The following B3GAT1 variants were observed in gnomAD, a reference collection of about 807,000 sequenced individuals.
The protein encoded by B3GAT1 is beta-1,3-glucuronyltransferase 1.
Under a neutral mutation model 28.4 loss-of-function variants are expected in B3GAT1, and 11 were observed. The ratio of observed to expected loss-of-function variants is 0.39; its 90% CI spans 0.24 to 0.64. B3GAT1 has a LOEUF of 0.64. Ranked by LOEUF, B3GAT1 falls within the 30% of genes least tolerant of loss-of-function variation. The pLI is 0.50. For missense variants in B3GAT1, 375 were observed against 491.0 expected, an observed-to-expected ratio of 0.76 and a Z score of 2.23; for synonymous variants, 255 against 223.1, an observed-to-expected ratio of 1.14 and a Z score of -1.27.
intron 2 of B3GAT1, chr11:134,384,546 T>C (rs1677638470): frequency 7.2e-6 from 2 of 279,486 alleles, no homozygotes; most frequent in Non-Finnish European, 1.3e-5. Context: ...CCTACTCATC[T>C]GGAGGGAGCT....
intron 1 of B3GAT1, chr11:134,388,494 G>A (rs574353480): frequency 1.3e-5 from 2 of 156,078 alleles, no homozygotes; most frequent in East Asian, 3.8e-4. Flanking sequence ...TTTTAGATTT[G>A]GGGGCACATG....
intron 1 of B3GAT1, among the ~76,000 whole-genome samples, chr11:134,400,826 C>A (rs931823692): frequency 1.3e-5 from 2 of 152,146 alleles, no homozygotes; most frequent in Non-Finnish European, 2.9e-5. Context: ...ACAGAGTGAA[C>A]GGACAACCTA....
chr11:134,401,977 G>T (rs1290606937), intron 1 of B3GAT1, among the ~76,000 whole-genome samples: 2 of 122,836 alleles, frequency 1.6e-5, no homozygotes, highest in Admixed American at 8.3e-5. Context: ...GGGCGGGGGG[G>T]GGCGGGCAGC....
At chr11:134,401,283 T>C (rs1008798173) in intron 1 of B3GAT1, among the ~76,000 whole-genome samples, 1 of 152,202 alleles carries the variant, frequency 6.6e-6, no homozygotes. Context: ...CATACACTCA[T>C]GTTTATCGCA....
chr11:134,383,930 G>A lies in B3GAT1; in HGVS notation c.371C>T (p.Pro124Leu), dbSNP rs781683942. Residue 124 changes from proline (P) to leucine (L), a missense_variant, in exon 3 of 6, where the codon CCG becomes CTG. Transcript: ENST00000312527. ...NLHWLVVEDA[P>L]RRTPLTARLL... ...GCGCGCGGTCAGCGGCGTCCGGCGC[G>A]GCGCATCCTCCACCACCAGCCAGTG... is the stretch of plus-strand genomic sequence containing the variant. 16 of 1,596,378 alleles carry A rather than the reference G, an allele frequency of 1.0e-5. No homozygotes were observed. Among genetic ancestry groups the A allele is most frequent in the African/African-American group, 2.7e-5 (2 of 74,758 alleles).
chr11:134,400,851 A>G (rs567810275), intron 1 of B3GAT1, among the ~76,000 whole-genome samples: 2 of 152,340 alleles, frequency 1.3e-5, no homozygotes, highest in South Asian at 4.1e-4. Context: ...TCTGCATCCA[A>G]CAAAGGTCTA....
At chr11:134,406,402 C>G (rs1206964693) in intron 1 of B3GAT1, among the ~76,000 whole-genome samples, 1 of 152,186 alleles carries the variant, frequency 6.6e-6, no homozygotes, top group African/African-American at 2.4e-5. Flanking sequence ...TGCGTCTGCA[C>G]AAAGCAAGGT....
In B3GAT1 at chr11:134,411,075, C is replaced by T. The variant is rs1022303234; in HGVS notation, c.-282+732G>A. Among the ~76,000 whole-genome samples, 1 of 152,222 alleles carries T rather than the reference C, an allele frequency of 6.6e-6. No homozygotes were observed. On this transcript the variant is annotated intron_variant, in intron 1 of 5. Coordinates refer to ENST00000312527, the MANE Select transcript of B3GAT1 (RefSeq NM_054025.3). The surrounding 1 kb of genome is among the most constrained non-coding windows in gnomAD (Gnocchi z 6.0). ...TGGGGGTGGTTCTTGACCTTAGCTG[C>T]TTGGTACGGGGCTGTCACCTCCTTA...
intron 1 of B3GAT1, among the ~76,000 whole-genome samples, chr11:134,401,240 C>A (rs1265416344): frequency 1.1e-4 from 16 of 152,090 alleles, no homozygotes; most frequent in Admixed American, 1.0e-3. Flanking sequence ...AGTGTCTACA[C>A]AAAGGAATAT....
chr11:134,387,874 C>T lies in B3GAT1; in HGVS notation c.-215G>A, dbSNP rs1457662991. 1.3e-6 allele frequency: 2 copies of T among 1,519,914 alleles called. No homozygotes were observed. Among genetic ancestry groups the T allele is most frequent in the African/African-American group, 2.8e-5 (2 of 72,674 alleles). 94.2% of individuals were successfully genotyped at this position (1,519,914 alleles called of 1,614,324 possible). ...GCGGAAGCAGGTTTGGAGAGTCCGG[C>T]CCAACTGGAGTCTGAGAAGGGGTCG... On this transcript the variant is annotated 5_prime_UTR_variant, in exon 2 of 6. Coordinates refer to ENST00000312527, the MANE Select transcript of B3GAT1 (RefSeq NM_054025.3).
Position 134,383,778 on chromosome 11 carries a change from G to T in B3GAT1, c.523C>A (p.Arg175Ser), listed in dbSNP as rs1167877969. 30 of 1,596,632 alleles carry T rather than the reference G, an allele frequency of 1.9e-5. No homozygotes were observed. Among genetic ancestry groups the T allele is most frequent in the African/African-American group, 2.7e-5 (2 of 74,572 alleles). The stretch of plus-strand genomic sequence containing the variant: ...CGCGGGAAGGTCTCGCGCAGCCAGC[G>T]CAGGGCCAGGTTGCGCTGCATGGTG... ...RGTMQRNLAL[R>S]WLRETFPRNS... The change falls in exon 3 of 6, where the codon CGC becomes AGC. Residue 175 changes from arginine to serine, a missense_variant. Arg to Ser is a moderately radical substitution (Grantham distance 110, BLOSUM62 -1). Coordinates refer to ENST00000312527, the MANE Select transcript of B3GAT1 (RefSeq NM_054025.3).
At chr11:134,394,532 C>T (rs1411026692) in intron 1 of B3GAT1, among the ~76,000 whole-genome samples, 2 of 152,362 alleles carry the variant, frequency 1.3e-5, no homozygotes, top group East Asian at 1.9e-4. Context: ...GACCTTTCAT[C>T]CCCTGCATGG....
chr11:134,398,733 C>T (rs963699515), intron 1 of B3GAT1, among the ~76,000 whole-genome samples: 7 of 152,154 alleles, frequency 4.6e-5, no homozygotes, highest in Non-Finnish European at 2.9e-5. Flanking sequence ...GGCTCCCTCC[C>T]GGGCCCCCTC....
intron 1 of B3GAT1, among the ~76,000 whole-genome samples, chr11:134,404,303 G>A (rs1944687391): frequency 6.6e-6 from 1 of 151,906 alleles, no homozygotes; most frequent in Admixed American, 6.6e-5. Context: ...AGTTTGCTGA[G>A]AATGATGGTT....
chr11:134,393,608 A>AAC lies in B3GAT1; in HGVS notation c.-281-5670_-281-5669dup. On this transcript the variant is annotated intron_variant, in intron 1 of 5. Coordinates refer to ENST00000312527, the MANE Select transcript of B3GAT1 (RefSeq NM_054025.3). The surrounding 1 kb of genome is among the most constrained non-coding windows in gnomAD (Gnocchi z 4.0). ...CACCTTATGAAATTTTCATAGAAAC[A>AAC]ACACATTTACTTCAACACGCTATTT... 1.3e-5 allele frequency among the ~76,000 whole-genome samples: 2 copies of AAC among 152,328 alleles called. No homozygotes were observed. The highest frequency in any genetic ancestry group is 1.3e-4 in the Admixed American group (2 of 15,304).
rs1362667237 is a variant in B3GAT1, at chr11:134,387,597, G to A, written c.63C>T (p.Ile21=). The change falls in exon 2 of 6, where the codon ATC becomes ATT. Residue 21 remains isoleucine, a synonymous_variant. Coordinates refer to ENST00000312527, the MANE Select transcript of B3GAT1 (RefSeq NM_054025.3). ...VLIVLPWTLL[I]TVWHQSTLAP... is the part of the protein sequence containing the mutation. ...CGAGGGTGCTCTGGTGCCAGACAGT[G>A]ATGAGCAGAGTCCAGGGCAGCACGA... The A allele has an allele frequency of 6.2e-7, 1 of 1,614,078 alleles. No homozygotes were observed. The highest frequency in any genetic ancestry group is 1.3e-5 in the African/African-American group (1 of 74,942).
chr11:134,386,738 G>C (rs2136310059), intron 2 of B3GAT1: 1 of 152,296 alleles, frequency 6.6e-6, no homozygotes, highest in Middle Eastern at 3.4e-3. Context: ...CGCTTTCCTT[G>C]CATGTCATGA....
Position 134,411,516 on chromosome 11 carries a change from A to AT in B3GAT1, c.-282+290dup, listed in dbSNP as rs1458163826. On this transcript the variant is annotated intron_variant, in intron 1 of 5. Transcript: ENST00000312527. The surrounding 1 kb of genome is among the most constrained non-coding windows in gnomAD (Gnocchi z 6.0). ...AACTGACGACTGAGAGCCCGGGCCG[A>AT]TTGTTAGAAGCTGCTGAGAACCAGC... 1.3e-5 allele frequency among the ~76,000 whole-genome samples: 2 copies of AT among 152,032 alleles called. No individual in the cohort carries two copies. Among genetic ancestry groups the AT allele is most frequent in the Non-Finnish European group, 2.9e-5 (2 of 67,980 alleles).
intron 1 of B3GAT1, chr11:134,389,115 C>T (rs144310031): frequency 6.6e-6 from 1 of 152,348 alleles, no homozygotes; most frequent in African/African-American, 2.4e-5. Context: ...TCATCAGCAT[C>T]TAATATTTTT....
Sources: allele counts gnomAD v4.1 joint callset (sites outside exome capture counted in the v4.1 genomes callset), GRCh38; gene constraint gnomAD v4.1.1; non-coding constraint Gnocchi (gnomAD v3.1); transcripts MANE v1.5; gene names NCBI Gene and HGNC (gene_info 2026-07-23, HGNC 2026-07-21).